SOX5: variants seen among roughly 807,000 people sequenced by gnomAD.
The protein encoded by SOX5 is transcription factor SOX-5.
In SOX5, 9 loss-of-function variants were observed where a neutral mutation model predicts 92.0. That is an observed-to-expected ratio of 0.10 (90% CI 0.06 to 0.17). The LOEUF is 0.17. Ranked by LOEUF, SOX5 falls within the 10% of genes least tolerant of loss-of-function variation. SOX5 has a pLI of 1.00. For synonymous variants in SOX5, 344 were observed against 336.3 expected (o/e 1.02, Z -0.25); for missense variants, 642 against 944.5 (o/e 0.68, Z 4.20).
intron 2 of SOX5, among the ~76,000 whole-genome samples, chr12:23,873,265 A>G (rs2096893678): frequency 6.6e-6 from 1 of 151,852 alleles, no homozygotes; most frequent in Non-Finnish European, 1.5e-5. Flanking sequence ...GGAATTCAAG[A>G]CTGAAGACCG....
intron 4 of SOX5, among the ~76,000 whole-genome samples, chr12:24,140,312 G>T (rs1950472283): frequency 6.6e-6 from 1 of 152,106 alleles, no homozygotes; most frequent in Non-Finnish European, 1.5e-5. Flanking sequence ...GGATCTGTTG[G>T]AAGGATAAGT....
chr12:23,954,137 G>C (rs1021924386), upstream of SOX5, among the ~76,000 whole-genome samples: 1 of 151,914 alleles, frequency 6.6e-6, no homozygotes, highest in Non-Finnish European at 1.5e-5. Context: ...TTTTAGATCA[G>C]AATCATTAAG....
chr12:24,125,053 A>G (rs1948982263), intron 4 of SOX5, among the ~76,000 whole-genome samples: 1 of 152,230 alleles, frequency 6.6e-6, no homozygotes, highest in African/African-American at 2.4e-5. Flanking sequence ...AGAATTATGA[A>G]TTACATCAAA....
At chr12:23,806,431 G>A (rs2095772131) in intron 3 of SOX5, among the ~76,000 whole-genome samples, 1 of 152,090 alleles carries the variant, frequency 6.6e-6, no homozygotes, top group Non-Finnish European at 1.5e-5. Context: ...AGGTGGTAGA[G>A]ACATGTTTAA....
At chr12:24,188,329 G>A (rs1344129144) in intron 4 of SOX5, among the ~76,000 whole-genome samples, 1 of 152,078 alleles carries the variant, frequency 6.6e-6, no homozygotes, top group Admixed American at 6.6e-5. Context: ...TTATACCCTA[G>A]TATTGTTGTT....
At chr12:23,719,283 T>C (rs1263421375) in intron 6 of SOX5, among the ~76,000 whole-genome samples, 1 of 152,198 alleles carries the variant, frequency 6.6e-6, no homozygotes, top group Non-Finnish European at 1.5e-5. Flanking sequence ...AGGTTTTGTT[T>C]ACATGTATTA....
At chr12:23,631,507 A>G (rs17469721) in intron 8 of SOX5, among the ~76,000 whole-genome samples, 12,000 of 152,122 alleles carry the variant, frequency 0.079, 616 homozygotes, top group Non-Finnish European at 0.11. Flanking sequence ...TCATAGAATT[A>G]CATCTACTGC....
chr12:24,227,555 A>G (rs1962343318), intron 3 of SOX5: 1 of 152,224 alleles, frequency 6.6e-6, no homozygotes, highest in Admixed American at 6.5e-5. Context: ...AGGTTTTAAA[A>G]TTCACTTGTA....
At chr12:23,970,230 CT>C (rs58753796) in intron 4 of SOX5, among the ~76,000 whole-genome samples, 8,420 of 149,486 alleles carry the variant, frequency 0.056, 697 homozygotes, top group East Asian at 0.39. Context: ...CAGCTGACTT[CT>C]TTTTTTTTTG....
intron 4 of SOX5, among the ~76,000 whole-genome samples, chr12:24,168,975 A>T (rs893661224): frequency 2.0e-5 from 3 of 152,188 alleles, no homozygotes; most frequent in East Asian, 1.9e-4. Context: ...TCCAAAAAAA[A>T]AATAATAATA....
At chr12:24,502,864 C>G (rs1175217671) in intron 1 of SOX5, among the ~76,000 whole-genome samples, 2 of 152,066 alleles carry the variant, frequency 1.3e-5, no homozygotes, top group Non-Finnish European at 2.9e-5. Context: ...GTATTCTGGC[C>G]AAAAGTGCAT....
intron 3 of SOX5, among the ~76,000 whole-genome samples, chr12:23,778,985 CTG>C (rs1567689167): frequency 6.6e-6 from 1 of 152,164 alleles, no homozygotes; most frequent in Non-Finnish European, 1.5e-5. Flanking sequence ...GCAATAAAGA[CTG>C]TTAAGTCATT....
chr12:23,700,867 G>T (rs139986830), intron 6 of SOX5, among the ~76,000 whole-genome samples: 2 of 151,636 alleles, frequency 1.3e-5, no homozygotes, highest in East Asian at 3.9e-4. Context: ...TATATTGATA[G>T]CTAATAAAAG....
At chr12:23,822,748 C>T (rs755828833) in intron 3 of SOX5, among the ~76,000 whole-genome samples, 3 of 151,848 alleles carry the variant, frequency 2.0e-5, no homozygotes, top group Non-Finnish European at 2.9e-5. Context: ...GTACTATTAT[C>T]GTGTTGGAGT....
At chr12:24,137,350 A>C (rs1227845884) in intron 4 of SOX5, among the ~76,000 whole-genome samples, 1 of 152,106 alleles carries the variant, frequency 6.6e-6, no homozygotes, top group Non-Finnish European at 1.5e-5. Context: ...AACTCTTTCT[A>C]GGCCAGGCAG....
intron 10 of SOX5, among the ~76,000 whole-genome samples, chr12:23,568,565 A>G (rs868191703): frequency 6.6e-6 from 1 of 152,094 alleles, no homozygotes; most frequent in African/African-American, 2.4e-5. Flanking sequence ...TGAGTACCTG[A>G]TATGCAGCAT....
intron 1 of SOX5, among the ~76,000 whole-genome samples, chr12:23,933,235 C>T (rs952348493): frequency 1.3e-5 from 2 of 151,614 alleles, no homozygotes. Flanking sequence ...TCCAGCTAAC[C>T]CTGGACCTGA....
At chr12:24,256,998 A>G (rs1050083409) in intron 3 of SOX5, among the ~76,000 whole-genome samples, 9 of 152,216 alleles carry the variant, frequency 5.9e-5, no homozygotes, top group Non-Finnish European at 1.0e-4. Context: ...AGAGAAAACC[A>G]TCAGGAATAC....
intron 11 of SOX5, among the ~76,000 whole-genome samples, chr12:23,561,813 TAAA>T (rs34791864): frequency 6.0e-4 from 83 of 139,008 alleles, no homozygotes; most frequent in Admixed American, 7.9e-4. Context: ...TTTGGAGGAT[TAAA>T]AAAAAAAAAA....
Sources: gnomAD v4.1 joint callset for allele counts (sites outside exome capture counted in the v4.1 genomes callset) on GRCh38, gnomAD v4.1.1 for gene constraint, MANE v1.5 for transcripts, NCBI Gene and HGNC (gene_info 2026-07-23, HGNC 2026-07-21) for gene names.